TANGO6: variants seen among roughly 807,000 people sequenced by gnomAD.
The protein encoded by TANGO6 is transport and golgi organization 6 homolog, also known as transport and Golgi organization protein 6 homolog.
Under a neutral mutation model 114.2 loss-of-function variants are expected in TANGO6, and 90 were observed. The ratio of observed to expected loss-of-function variants is 0.79; its 90% CI spans 0.66 to 0.94. The LOEUF (loss-of-function observed/expected upper bound fraction) is 0.94. TANGO6 is among the 40% of genes least tolerant of loss of function. The pLI is 0.00. For missense variants in TANGO6, 1,274 were observed against 1,315.3 expected (o/e 0.97, Z 0.49); for synonymous variants, 477 against 509.8 (o/e 0.94, Z 0.87).
rs527270108 is a variant in TANGO6, at chr16:68,919,338, A to G, written c.2127+119A>G. 7 of 1,300,712 alleles carry G rather than the reference A, an allele frequency of 5.4e-6. No individual in the cohort carries two copies. The African/African-American group carries it at 8.9e-5, about 17-fold the overall frequency. 80.6% of individuals were successfully genotyped at this position (1,300,712 alleles called of 1,614,324 possible). ...GGATATTGTACATAGGAGAACCTAG[A>G]TAAAGAAGTTAGTTTGTTAATGAGA... On this transcript the variant is annotated intron_variant, in intron 12 of 17. Transcript: ENST00000261778.
intron 17 of TANGO6, among the ~76,000 whole-genome samples, chr16:69,067,660 G>A (rs1448262293): frequency 2.0e-5 from 3 of 151,560 alleles, no homozygotes; most frequent in Non-Finnish European, 2.9e-5. Context: ...TCTACTGGCC[G>A]GGCACAGTGG....
Position 68,883,708 on chromosome 16 carries a change from T to A in TANGO6, c.1377+3078T>A, listed in dbSNP as rs1164958021. 2.0e-5 allele frequency among the ~76,000 whole-genome samples: 3 copies of A among 152,238 alleles called. No homozygotes were observed. The East Asian group carries it at 5.8e-4, about 29-fold the overall frequency. On this transcript the variant is annotated intron_variant, in intron 7 of 17. Transcript: ENST00000261778. ...ATTGCTGGATCATGTAGTAACTCTA[T>A]GTTTTACTGTTTGAGGCACTTCTGG...
At chr16:68,876,254 C>T (rs1460912800) in intron 5 of TANGO6, among the ~76,000 whole-genome samples, 4 of 151,962 alleles carry the variant, frequency 2.6e-5, no homozygotes, top group African/African-American at 7.3e-5. Context: ...CTCCACCTCC[C>T]GGGTTCAAGC....
chr16:68,851,090 TC>T (rs1265471700), intron 1 of TANGO6, among the ~76,000 whole-genome samples: 1 of 152,170 alleles, frequency 6.6e-6, no homozygotes, highest in Non-Finnish European at 1.5e-5. Context: ...ATCTGTGATT[TC>T]CTATTCATTC....
At chr16:68,996,939 A>G (rs1002067851) in intron 15 of TANGO6, among the ~76,000 whole-genome samples, 8 of 152,132 alleles carry the variant, frequency 5.3e-5, no homozygotes, top group Admixed American at 5.2e-4. Context: ...CCAGTTCTTC[A>G]TCTCTACTTC....
chr16:69,071,326 A>T (rs1960294867), intron 17 of TANGO6, among the ~76,000 whole-genome samples: 1 of 152,206 alleles, frequency 6.6e-6, no homozygotes, highest in Admixed American at 6.5e-5. Flanking sequence ...CTAGCATTTA[A>T]CGTTTTTGTC....
At chr16:68,950,457 CTG>C (rs1388597960) in intron 14 of TANGO6, among the ~76,000 whole-genome samples, 1 of 151,988 alleles carries the variant, frequency 6.6e-6, no homozygotes, top group Non-Finnish European at 1.5e-5. Flanking sequence ...CCCAGCTACT[CTG>C]GAGGCTGAGG....
chr16:69,000,387 T>G (rs1964029703), intron 15 of TANGO6, among the ~76,000 whole-genome samples: 1 of 152,174 alleles, frequency 6.6e-6, no homozygotes, highest in Admixed American at 6.5e-5. Context: ...TTAAAACACT[T>G]GATATTATAA....
chr16:68,967,360 A>G lies in TANGO6; in HGVS notation c.2702-6668A>G, dbSNP rs554164583. ...CTCCTGGGAGTATCCGTTGCCTCCA[A>G]TGATCTGACAGAAGGCAGAGCTCAG... is the stretch of plus-strand genomic sequence containing the variant. On this transcript the variant is annotated intron_variant, in intron 14 of 17. Transcript: ENST00000261778. Among the ~76,000 whole-genome samples the G allele has an allele frequency of 2.7e-4, 41 of 152,282 alleles. No homozygotes were observed. The East Asian group carries it at 5.4e-3, about 20-fold the overall frequency.
At chr16:69,070,270 A>G (rs1429698242) in intron 17 of TANGO6, among the ~76,000 whole-genome samples, 1 of 152,116 alleles carries the variant, frequency 6.6e-6, no homozygotes, top group Non-Finnish European at 1.5e-5. Flanking sequence ...TAGACAGAGT[A>G]GGGCATTCCT....
intron 5 of TANGO6, 51 bp from the exon 6 acceptor site, chr16:68,878,065 CTG>C: frequency 6.9e-7 from 1 of 1,444,114 alleles, no homozygotes; most frequent in Non-Finnish European, 9.3e-7. Flanking sequence ...TTTTTAGTTA[CTG>C]TCATATTCCT....
intron 17 of TANGO6, among the ~76,000 whole-genome samples, chr16:69,060,207 G>C (rs952610952): frequency 6.6e-6 from 1 of 152,042 alleles, no homozygotes; most frequent in African/African-American, 2.4e-5. Flanking sequence ...TAATAGAGAT[G>C]AGGTTTCACC....
chr16:68,953,182 C>G (rs943499519), intron 14 of TANGO6, among the ~76,000 whole-genome samples: 1 of 151,812 alleles, frequency 6.6e-6, no homozygotes, highest in African/African-American at 2.4e-5. Flanking sequence ...CTCCCAGGTT[C>G]GAGCGATTCT....
chr16:68,943,805 A>G (rs1170281622), intron 14 of TANGO6, among the ~76,000 whole-genome samples: 3 of 152,190 alleles, frequency 2.0e-5, no homozygotes, highest in Non-Finnish European at 4.4e-5. Context: ...CTTTTAAGAA[A>G]CAGCACGAAG....
At chr16:69,066,961 A>G (rs184773077) in intron 17 of TANGO6, among the ~76,000 whole-genome samples, 49 of 152,258 alleles carry the variant, frequency 3.2e-4, no homozygotes, top group African/African-American at 1.2e-3. Context: ...CAGTGGTGCA[A>G]TCACGGCTCA....
chr16:68,866,851 C>G (rs1042490189), intron 3 of TANGO6, among the ~76,000 whole-genome samples: 1 of 151,640 alleles, frequency 6.6e-6, no homozygotes, highest in Non-Finnish European at 1.5e-5. Context: ...GCAGGAGAAT[C>G]GCTTGAACCC....
At chr16:68,865,004 G>A (rs923472251) in intron 3 of TANGO6, among the ~76,000 whole-genome samples, 4 of 152,126 alleles carry the variant, frequency 2.6e-5, no homozygotes, top group Admixed American at 2.0e-4. Context: ...GGTGCCGGGC[G>A]TGGTGGCTCA....
intron 15 of TANGO6, among the ~76,000 whole-genome samples, chr16:69,016,293 G>T (rs1338040620): frequency 6.6e-6 from 1 of 152,098 alleles, no homozygotes; most frequent in African/African-American, 2.4e-5. Context: ...AGCTACTTGG[G>T]AGGCTGAGGC....
At chr16:68,980,409 C>CTCTCTCTCTCTCTCTCTCTCTATATA (rs1408626276) in intron 15 of TANGO6, among the ~76,000 whole-genome samples, 19 of 67,976 alleles carry the variant, frequency 2.8e-4, no homozygotes, top group Non-Finnish European at 4.8e-4. Flanking sequence ...CTCTCTCTCT[C>CTCTCTCTCTCTCTCTCTCTCTATATA]TATATATATA....
Sources: allele counts gnomAD v4.1 joint callset (sites outside exome capture counted in the v4.1 genomes callset), GRCh38; gene constraint gnomAD v4.1.1; transcripts MANE v1.5; gene names NCBI Gene and HGNC (gene_info 2026-07-23, HGNC 2026-07-21).